The following RGMA variants were observed in gnomAD, a reference collection of about 807,000 sequenced individuals.
RGMA encodes repulsive guidance molecule BMP co-receptor a.
RGMA carries 10 observed loss-of-function variants against 23.2 expected under a neutral mutation model. That is an observed-to-expected ratio of 0.43 (90% confidence interval 0.27 to 0.73). The LOEUF is 0.73. Ranked by LOEUF, RGMA falls within the 30% of genes least tolerant of loss-of-function variation. RGMA has a pLI of 0.20. For missense variants in RGMA, 547 were observed against 630.5 expected, an observed-to-expected ratio of 0.87 and a Z score of 1.42; for synonymous variants, 308 against 279.3, an observed-to-expected ratio of 1.10 and a Z score of -1.03.
intron 1 of RGMA, among the ~76,000 whole-genome samples, chr15:93,082,114 A>G (rs1204070704): frequency 6.6e-6 from 1 of 152,232 alleles, no homozygotes; most frequent in Non-Finnish European, 1.5e-5. Context: ...CTTAGAACAG[A>G]TGCCTGGCAT....
intron 2 of RGMA, among the ~76,000 whole-genome samples, chr15:93,072,341 A>T (rs879434302): frequency 6.6e-5 from 10 of 152,238 alleles, no homozygotes; most frequent in Admixed American, 3.9e-4. Context: ...CAATAAAAAC[A>T]AACAGGGGGC....
chr15:93,073,556 A>T, intron 1 of RGMA: 1 of 1,523,354 alleles, frequency 6.6e-7, no homozygotes, highest in Non-Finnish European at 8.8e-7. Flanking sequence ...GGCAAATCCC[A>T]GCCCTACTTT....
intron 2 of RGMA, among the ~76,000 whole-genome samples, chr15:93,055,538 G>A (rs1020289161): frequency 3.9e-5 from 6 of 152,178 alleles, no homozygotes; most frequent in Admixed American, 6.5e-5. Context: ...GGCAGGACAT[G>A]AATCCAGCCC....
chr15:93,082,466 A>G (rs1865469968), intron 1 of RGMA, among the ~76,000 whole-genome samples: 1 of 152,202 alleles, frequency 6.6e-6, no homozygotes, highest in South Asian at 2.1e-4. Context: ...TAAGGACCAT[A>G]AATACAAGCA....
chr15:93,073,994 T>C, intron 1 of RGMA: 1 of 1,396,156 alleles, frequency 7.2e-7, no homozygotes, highest in Non-Finnish European at 9.2e-7. Flanking sequence ...ATGGTGACCT[T>C]TCCTAACTCT....
chr15:93,073,302 G>A (rs567317814), intron 1 of RGMA: 1 of 534,048 alleles, frequency 1.9e-6, no homozygotes, highest in Non-Finnish European at 2.4e-6. Context: ...CGAGGTAGCC[G>A]GAGGCGGCCG....
rs59248195 is a variant in RGMA at position 93,074,441 on chromosome 15, T to C, written c.15-1410A>G. ...GACACAACCCCAGCAGCAAGACTTA[T>C]GAATCTGGCTTCCACAAAACAGGTA... On this transcript the variant is annotated intron_variant, in intron 1 of 3. Transcript: ENST00000329082. Among the ~76,000 whole-genome samples, 405 of 152,292 alleles carry C rather than the reference T, an allele frequency of 2.7e-3. 1 individual carries two copies. Among genetic ancestry groups the C allele is most frequent in the African/African-American group, 9.3e-3 (385 of 41,560 alleles).
chr15:93,037,675 T>C lies in RGMA; in HGVS notation c.*7323A>G, dbSNP rs2054675824. 1 of 152,222 alleles carries C rather than the reference T, an allele frequency of 6.6e-6. No individual in the cohort carries two copies. The highest frequency in any genetic ancestry group is 1.5e-5 in the Non-Finnish European group (1 of 68,058). The allele number at this position is 152,222 out of a possible 1,614,324, so 9.4% of individuals were successfully genotyped here. A position where few individuals can be genotyped will look rare whatever the true frequency, so the allele number is the denominator to read the frequency against. ...AGCTCAAAACCAATTCCCCAGACAG[T>C]GTCTGAACACGTCTTTGTTCTTCTC... is the stretch of plus-strand genomic sequence containing the variant. On this transcript the variant is annotated 3_prime_UTR_variant, in exon 4 of 4. Transcript: ENST00000329082. This position sits in a 1 kb window ranked among gnomAD's most constrained non-coding sequence, Gnocchi z 4.3.
At chr15:93,049,059 G>T (rs748357127) in intron 3 of RGMA, among the ~76,000 whole-genome samples, 1 of 152,350 alleles carries the variant, frequency 6.6e-6, no homozygotes, top group African/African-American at 2.4e-5. Flanking sequence ...GGACTCAACC[G>T]CAAGTAACAG....
At chr15:93,062,161 C>G (rs527240390) in intron 2 of RGMA, among the ~76,000 whole-genome samples, 17 of 152,132 alleles carry the variant, frequency 1.1e-4, no homozygotes, top group Non-Finnish European at 2.2e-4. Context: ...TGTTTTTGTC[C>G]AACTCTGTGG....
At chr15:93,066,792 T>G (rs1188598780) in intron 2 of RGMA, among the ~76,000 whole-genome samples, 3 of 152,160 alleles carry the variant, frequency 2.0e-5, no homozygotes, top group Admixed American at 2.0e-4. Flanking sequence ...GGATTACAGG[T>G]GTGAGCCACC....
At chr15:93,076,972 C>T (rs2141845123) in intron 1 of RGMA, among the ~76,000 whole-genome samples, 1 of 152,292 alleles carries the variant, frequency 6.6e-6, no homozygotes, top group Non-Finnish European at 1.5e-5. Flanking sequence ...GGCTCCAGCC[C>T]AGCTTGGGGT....
rs1035780839 is a variant in RGMA, at chr15:93,039,396, T to C, written c.*5602A>G. The C allele has an allele frequency of 5.3e-5, 8 of 152,194 alleles. No individual in the cohort carries two copies. Among genetic ancestry groups the C allele is most frequent in the African/African-American group, 1.9e-4 (8 of 41,430 alleles). 9.4% of individuals were successfully genotyped at this position (152,194 alleles called of 1,614,324 possible). ...CCCCAAAGGCCATCATTTCTTTTCT[T>C]AAAATTATGATTATACTTTCAGTTA... On this transcript the variant is annotated 3_prime_UTR_variant, in exon 4 of 4. Transcript: ENST00000329082.
rs774879905 is a variant in RGMA, at chr15:93,052,082, C to T, written c.556G>A (p.Ala186Thr). ...TAATTATTGTCGATGAGCGGCCAGG[C>T]GCCCTGCACCTTGCAGGTCTGGAAG... ...DRFQTCKVQG[A>T]WPLIDNNYLN... Residue 186 changes from alanine (A) to threonine (T), a missense_variant, in exon 3 of 4, where the codon GCC becomes ACC. Coordinates refer to ENST00000329082, the MANE Select transcript of RGMA (RefSeq NM_020211.3). 10 of 1,613,248 alleles carry T rather than the reference C, an allele frequency of 6.2e-6. No homozygotes were observed. In the Middle Eastern group the frequency reaches 6.6e-4, roughly 106 times the overall value.
chr15:93,089,124 C>T lies in RGMA; in HGVS notation c.-192G>A, dbSNP rs1017635466. On this transcript the variant is annotated 5_prime_UTR_variant, in exon 1 of 4. Transcript: ENST00000329082. ...GGGCTGCATGCCTGCGAGCGCCTGG[C>T]GGAGCCGGCCCGGGAGCGAACGGCC... 2.0e-5 allele frequency: 7 copies of T among 342,742 alleles called. No homozygotes were observed. Among genetic ancestry groups the T allele is most frequent in the Admixed American group, 4.8e-5 (1 of 20,666 alleles). 21.2% of individuals were successfully genotyped at this position (342,742 alleles called of 1,614,324 possible).
At chr15:93,053,866 A>G (rs945026327) in intron 2 of RGMA, among the ~76,000 whole-genome samples, 2 of 152,228 alleles carry the variant, frequency 1.3e-5, no homozygotes, top group Non-Finnish European at 2.9e-5. Flanking sequence ...AGGTAATTTC[A>G]GGTGATACCT....
intron 2 of RGMA, among the ~76,000 whole-genome samples, chr15:93,071,777 A>G (rs1252644297): frequency 6.6e-6 from 1 of 152,182 alleles, no homozygotes; most frequent in Non-Finnish European, 1.5e-5. Context: ...TCCGAGTCTA[A>G]ACTCAAGTCC....
chr15:93,073,906 G>A (rs951411591), intron 1 of RGMA: 3 of 1,442,204 alleles, frequency 2.1e-6, no homozygotes, highest in Admixed American at 5.4e-5. Flanking sequence ...TGGCTATGCC[G>A]GTCCGCGTGG....
rs2054936866 is a variant in RGMA, at chr15:93,052,270, T to C, written c.368A>G (p.Gln123Arg). Residue 123 changes from glutamine (Q) to arginine (R), a missense_variant, in exon 3 of 4, where the codon CAG (glutamine) becomes CGG (arginine). By Grantham distance (43) the Gln-to-Arg change is conservative. Coordinates refer to ENST00000329082, the MANE Select transcript of RGMA (RefSeq NM_020211.3). The stretch of plus-strand genomic sequence containing the variant: ...CGGTGGGAGCGTGCGCAGGCGTGGC[T>C]GCGAGGTGGGGCCATCCTTGGAGCA... ...HNCSKDGPTS[Q>R]PRLRTLPPAG... The C allele has an allele frequency of 6.2e-7, 1 of 1,603,376 alleles. No homozygotes were observed. The highest frequency in any genetic ancestry group is 1.3e-5 in the African/African-American group (1 of 74,774).
Sources: gnomAD v4.1 joint callset for allele counts (sites outside exome capture counted in the v4.1 genomes callset) on GRCh38, gnomAD v4.1.1 for gene constraint, Gnocchi (gnomAD v3.1) non-coding constraint, MANE v1.5 for transcripts, NCBI Gene and HGNC (gene_info 2026-07-23, HGNC 2026-07-21) for gene names.